The following TBC1D4 variants were observed in gnomAD, a reference collection of about 807,000 sequenced individuals.
TBC1D4 encodes TBC1 domain family member 4.
In TBC1D4, 121 loss-of-function variants were observed where a neutral mutation model predicts 142.5. That is an observed-to-expected ratio of 0.85 (90% CI 0.73 to 0.99). The LOEUF (loss-of-function observed/expected upper bound fraction) is 0.99, where lower values mean the gene tolerates loss of function less well. Among genes scored for constraint, TBC1D4 ranks in the 50% least tolerant of loss-of-function variants. The probability of loss-of-function intolerance (pLI) is 0.00; values close to 1 mark genes in which losing one functional copy is unlikely to be tolerated. For synonymous variants in TBC1D4, 630 were observed against 628.2 expected (o/e 1.00, Z -0.04); for missense variants, 1,475 against 1,606.6 (o/e 0.92, Z 1.40).
chr13:75,306,766 C>T (rs1242922007), intron 14 of TBC1D4, among the ~76,000 whole-genome samples: 1 of 152,092 alleles, frequency 6.6e-6, no homozygotes, highest in Non-Finnish European at 1.5e-5. Context: ...CTATAATTTT[C>T]CATTTTTTGA....
chr13:75,462,724 T>C (rs1487204804), intron 1 of TBC1D4, among the ~76,000 whole-genome samples: 1 of 152,098 alleles, frequency 6.6e-6, no homozygotes, highest in Non-Finnish European at 1.5e-5. Flanking sequence ...TTACATTAAT[T>C]AGAGTAATGT....
intron 14 of TBC1D4, 111 bp downstream of exon 14, chr13:75,309,831 G>A: frequency 3.0e-6 from 3 of 1,010,306 alleles, no homozygotes; most frequent in East Asian, 2.5e-5. Context: ...CTTAAAGTGT[G>A]CATACAGTCC....
intron 13 of TBC1D4, among the ~76,000 whole-genome samples, chr13:75,310,677 T>C (rs564930231): frequency 3.3e-5 from 5 of 152,302 alleles, no homozygotes; most frequent in African/African-American, 1.2e-4. Flanking sequence ...AAGGGGTCCA[T>C]GTGCAGGTTT....
At chr13:75,332,242 T>C (rs1156515174) in intron 8 of TBC1D4, among the ~76,000 whole-genome samples, 1 of 152,238 alleles carries the variant, frequency 6.6e-6, no homozygotes, top group African/African-American at 2.4e-5. Context: ...TACCACCTCC[T>C]ATCTATGATG....
chr13:75,299,176 C>T (rs1876253907), intron 17 of TBC1D4, among the ~76,000 whole-genome samples, 154 bp downstream of exon 17: 1 of 152,122 alleles, frequency 6.6e-6, no homozygotes, highest in Non-Finnish European at 1.5e-5. Context: ...ATAGCAAATC[C>T]CACACTAAGT....
At chr13:75,287,075 G>A (rs1189044578) in intron 20 of TBC1D4, 50 bp from the exon 21 acceptor site, 1 of 1,476,924 alleles carries the variant, frequency 6.8e-7, no homozygotes, top group Non-Finnish European at 9.5e-7. Context: ...ATTATAGTAG[G>A]AGACAGTCCT....
At chr13:75,447,433 G>A (rs1040564000) in intron 1 of TBC1D4, among the ~76,000 whole-genome samples, 2 of 151,810 alleles carry the variant, frequency 1.3e-5, no homozygotes, top group African/African-American at 2.4e-5. Flanking sequence ...TTTCATAGAT[G>A]AGGATACTGA....
intron 1 of TBC1D4, among the ~76,000 whole-genome samples, chr13:75,400,560 C>T (rs752872121): frequency 6.5e-4 from 99 of 151,154 alleles, no homozygotes; most frequent in Non-Finnish European, 5.6e-4. Context: ...TGGGTTCAAG[C>T]GATTCTCCTG....
intron 1 of TBC1D4, among the ~76,000 whole-genome samples, chr13:75,370,000 A>G (rs1883138966): frequency 6.6e-6 from 1 of 152,220 alleles, no homozygotes; most frequent in African/African-American, 2.4e-5. Flanking sequence ...AAATTTGGAA[A>G]GACATAAAAT....
At chr13:75,404,871 T>A (rs1286049871) in intron 1 of TBC1D4, among the ~76,000 whole-genome samples, 1 of 152,142 alleles carries the variant, frequency 6.6e-6, no homozygotes, top group Admixed American at 6.5e-5. Flanking sequence ...CCTCCACCCA[T>A]GCAGAGAAAT....
At position 75,312,790 on chromosome 13, in the gene TBC1D4, G is replaced by C. The variant is rs1877912204; in HGVS notation, c.2331C>G (p.Phe777Leu). The change falls in exon 13 of 21, where the codon TTC (phenylalanine) becomes TTG (leucine). Residue 777 changes from phenylalanine (F) to leucine (L), a missense_variant. Phe to Leu is a conservative substitution (Grantham distance 22, BLOSUM62 0). Transcript: ENST00000377636. ...PRRISWRQRIFLRVASPMNKS... is the reference protein window; with the variant it reads ...PRRISWRQRILLRVASPMNKS... ...TGTTCATGGGAGAAGCAACCCTGAG[G>C]AAAATGCGCTGCCGCCAGGAGATCC... 6.2e-7 allele frequency: 1 copy of C among 1,614,182 alleles called. No individual in the cohort carries two copies. The highest frequency in any genetic ancestry group is 1.3e-5 in the African/African-American group (1 of 75,042).
rs1879266829 is a variant in TBC1D4 at position 75,326,412 on chromosome 13, T to C, written c.1818A>G (p.Pro606=). The C allele has an allele frequency of 6.2e-7, 1 of 1,614,190 alleles. No individual in the cohort carries two copies. The highest frequency in any genetic ancestry group is 8.5e-7 in the Non-Finnish European group (1 of 1,180,036). The part of the protein sequence containing the change: ...NSLASEKDYS[P]GDSPPGTPPA... ...GCGGTGTCCCTGGTGGAGAATCCCC[T>C]GGTGAGTAGTCCTGAAACACAAGCG... Residue 606 remains proline, a synonymous_variant, in exon 10 of 21, where the codon CCA becomes CCG. Coordinates refer to ENST00000377636, the MANE Select transcript of TBC1D4 (RefSeq NM_014832.5).
At chr13:75,471,335 T>C (rs1346132332) in intron 1 of TBC1D4, among the ~76,000 whole-genome samples, 1 of 152,186 alleles carries the variant, frequency 6.6e-6, no homozygotes, top group Non-Finnish European at 1.5e-5. Flanking sequence ...AACAGAATAA[T>C]GTGACCAGTG....
At chr13:75,307,483 G>A (rs1215447594) in intron 14 of TBC1D4, among the ~76,000 whole-genome samples, 1 of 152,118 alleles carries the variant, frequency 6.6e-6, no homozygotes, top group East Asian at 1.9e-4. Context: ...AGACACAAGA[G>A]TATACTTCTT....
chr13:75,347,078 G>T (rs762611228), intron 5 of TBC1D4, among the ~76,000 whole-genome samples: 3 of 152,112 alleles, frequency 2.0e-5, no homozygotes, highest in Non-Finnish European at 4.4e-5. Context: ...CAGAGTATGT[G>T]CAATGTTAGG....
At chr13:75,356,386 T>G in intron 3 of TBC1D4, 135 bp from the exon 4 acceptor site, 1 of 719,596 alleles carries the variant, frequency 1.4e-6, no homozygotes, top group Non-Finnish European at 2.5e-6. Context: ...AGGGGGGACA[T>G]AATGCCATAG....
intron 1 of TBC1D4, among the ~76,000 whole-genome samples, chr13:75,421,200 T>G (rs987478674): frequency 2.0e-5 from 3 of 152,236 alleles, no homozygotes; most frequent in Non-Finnish European, 4.4e-5. Flanking sequence ...TCACTCACTG[T>G]GTGCAGATGA....
At chr13:75,347,755 T>C (rs1000568233) in intron 5 of TBC1D4, among the ~76,000 whole-genome samples, 1 of 152,220 alleles carries the variant, frequency 6.6e-6, no homozygotes, top group Non-Finnish European at 1.5e-5. Context: ...CAGCTAAGAA[T>C]GTTCCATTTT....
intron 1 of TBC1D4, among the ~76,000 whole-genome samples, chr13:75,480,255 G>C (rs1288153280): frequency 6.6e-6 from 1 of 152,168 alleles, no homozygotes; most frequent in Admixed American, 6.5e-5. Flanking sequence ...GCCACATGGT[G>C]CAACCTGAGA....
Sources: allele counts gnomAD v4.1 joint callset (sites outside exome capture counted in the v4.1 genomes callset), GRCh38; gene constraint gnomAD v4.1.1; transcripts MANE v1.5; gene names NCBI Gene and HGNC (gene_info 2026-07-23, HGNC 2026-07-21).